Variants in MICAL3 observed in about 807,000 individuals in gnomAD.
MICAL3 encodes microtubule associated monooxygenase, calponin and LIM domain containing 3.
MICAL3 carries 62 observed loss-of-function variants against 207.4 expected under a neutral mutation model. The ratio of observed to expected loss-of-function variants is 0.30; its 90% CI spans 0.24 to 0.37. The LOEUF (loss-of-function observed/expected upper bound fraction) is 0.37. Ranked by LOEUF, MICAL3 falls within the 10% of genes least tolerant of loss-of-function variation. The probability of loss-of-function intolerance (pLI) is 1.00; values close to 1 mark genes in which losing one functional copy is unlikely to be tolerated. For missense variants in MICAL3, 2,368 were observed against 2,635.6 expected (o/e 0.90, Z 2.22); for synonymous variants, 1,077 against 1,069.3 (o/e 1.01, Z -0.14).
chr22:17,865,923 C>T lies in MICAL3; in HGVS notation c.2517+1G>A. ...CCCACTTACAGGAGAGTCACCATTA[C>T]CTTTCCAGACAGGGGAGCCACTGCC... On this transcript the variant is annotated splice_donor_variant, in intron 18 of 31. Coordinates refer to ENST00000441493, the MANE Select transcript of MICAL3 (RefSeq NM_015241.3). LOFTEE classifies it high-confidence loss of function. The T allele has an allele frequency of 6.2e-7, 1 of 1,612,094 alleles. No individual in the cohort carries two copies. Among genetic ancestry groups the T allele is most frequent in the South Asian group, 1.1e-5 (1 of 91,056 alleles).
intron 16 of MICAL3, among the ~76,000 whole-genome samples, chr22:17,878,734 G>A (rs532793899): frequency 6.6e-6 from 1 of 152,188 alleles, no homozygotes; most frequent in East Asian, 1.9e-4. Flanking sequence ...GGGCATCTCG[G>A]CTATCCCTCA....
chr22:17,822,495 C>G (rs1921757060), intron 23 of MICAL3, among the ~76,000 whole-genome samples: 1 of 152,226 alleles, frequency 6.6e-6, no homozygotes, highest in Non-Finnish European at 1.5e-5. Flanking sequence ...GGCCTGGCCT[C>G]ACGGGCCCAC....
chr22:17,861,443 C>T (rs1477556257), intron 19 of MICAL3: 22 of 985,290 alleles, frequency 2.2e-5, no homozygotes, highest in Non-Finnish European at 2.4e-5. Flanking sequence ...GATGAGCACT[C>T]GGGGAAAAAG....
chr22:17,819,092 T>C lies in MICAL3; in HGVS notation c.3569A>G (p.Glu1190Gly). The change falls in exon 26 of 32, where the codon GAG becomes GGG. Residue 1190 changes from glutamate to glycine, a missense_variant. Physicochemically the swap from Glu to Gly is moderately conservative, Grantham distance 98. Around this residue, in one of 4 missense-constraint regions of MICAL3, gnomAD observed 1,770 missense variants for 1,863.2 expected, o/e 0.95. Transcript: ENST00000441493. ...GAAAAGGCGCTCCTCAGGTGATTTC[T>C]CCTGGGTGGCGGCAGGGACAGGTGG... is the stretch of plus-strand genomic sequence containing the variant. The part of the protein sequence containing the change: ...QLPPVPAATQ[E>G]KSPEERLFPE... 1 of 1,512,216 alleles carries C rather than the reference T, an allele frequency of 6.6e-7. No homozygotes were observed. The highest frequency in any genetic ancestry group is 2.3e-5 in the East Asian group (1 of 43,286). 93.7% of individuals were successfully genotyped at this position (1,512,216 alleles called of 1,614,324 possible). A position where few individuals can be genotyped will look rare whatever the true frequency, so the allele number is the denominator to read the frequency against.
chr22:18,021,434 T>C (rs1341729759), intron 1 of MICAL3, among the ~76,000 whole-genome samples: 1 of 152,214 alleles, frequency 6.6e-6, no homozygotes, highest in Non-Finnish European at 1.5e-5. Context: ...GAGTGAAGCA[T>C]GCCCATCGCC....
At chr22:17,885,796 C>T in intron 16 of MICAL3, 82 bp downstream of exon 16, 3 of 1,399,446 alleles carry the variant, frequency 2.1e-6, no homozygotes, top group Non-Finnish European at 2.0e-6. Flanking sequence ...TGTGACACAG[C>T]CCATCTCAAT....
At chr22:17,976,583 A>ATTTTT (rs1214780677) in intron 1 of MICAL3, among the ~76,000 whole-genome samples, 22 of 87,662 alleles carry the variant, frequency 2.5e-4, no homozygotes, top group African/African-American at 2.8e-4. Context: ...ATATATATAT[A>ATTTTT]TATATATTTT....
intron 12 of MICAL3, among the ~76,000 whole-genome samples, chr22:17,890,320 T>C (rs987011808): frequency 1.3e-5 from 2 of 151,832 alleles, no homozygotes; most frequent in African/African-American, 4.8e-5. Flanking sequence ...TAGAAGACGG[T>C]CCCCTAACCT....
chr22:17,928,498 G>A (rs140705565), intron 1 of MICAL3, among the ~76,000 whole-genome samples: 1 of 152,102 alleles, frequency 6.6e-6, no homozygotes, highest in East Asian at 1.9e-4. Flanking sequence ...TCTTCATGTA[G>A]TGTATGAGAT....
intron 29 of MICAL3, among the ~76,000 whole-genome samples, chr22:17,806,030 C>G (rs1291557391): frequency 6.6e-6 from 1 of 152,118 alleles, no homozygotes; most frequent in Admixed American, 6.6e-5. Flanking sequence ...GCGCCCGGCC[C>G]AAATGTTTTA....
chr22:17,798,585 G>A (rs964690708), intron 29 of MICAL3, among the ~76,000 whole-genome samples: 7 of 151,994 alleles, frequency 4.6e-5, no homozygotes, highest in Admixed American at 6.6e-5. Context: ...TTGTTTTGGC[G>A]GTGATGCCAC....
At chr22:17,879,791 TG>T (rs1324894010) in intron 16 of MICAL3, among the ~76,000 whole-genome samples, 1 of 151,652 alleles carries the variant, frequency 6.6e-6, no homozygotes, top group Non-Finnish European at 1.5e-5. Context: ...AAAGCAAAGG[TG>T]GGGAGGTGGG....
At chr22:17,992,040 T>C (rs1441034066) in intron 1 of MICAL3, among the ~76,000 whole-genome samples, 1 of 152,148 alleles carries the variant, frequency 6.6e-6, no homozygotes, top group Admixed American at 6.5e-5. Flanking sequence ...CACCCACCGT[T>C]GCTAGAGCAC....
At chr22:17,931,937 T>C (rs1202217494) in intron 1 of MICAL3, among the ~76,000 whole-genome samples, 2 of 152,216 alleles carry the variant, frequency 1.3e-5, no homozygotes, top group Non-Finnish European at 2.9e-5. Flanking sequence ...GCAATTAAAC[T>C]TACAGTGGTG....
At chr22:17,924,135 C>T (rs761820419) in intron 1 of MICAL3, among the ~76,000 whole-genome samples, 5 of 152,210 alleles carry the variant, frequency 3.3e-5, no homozygotes, top group African/African-American at 9.6e-5. Context: ...GTCCCTCCCA[C>T]GACACGTGGG....
chr22:17,788,191 A>G lies in MICAL3; in HGVS notation c.*2541T>C, dbSNP rs899060871. On this transcript the variant is annotated 3_prime_UTR_variant, in exon 32 of 32. Coordinates refer to ENST00000441493, the MANE Select transcript of MICAL3 (RefSeq NM_015241.3). ...TGGTTACAAAATGGGAGCTTTAAAA[A>G]AAGTGCTCTACTAGAACTGGGTGTC... 2.6e-5 allele frequency: 4 copies of G among 152,278 alleles called. No homozygotes were observed. Among genetic ancestry groups the G allele is most frequent in the Admixed American group, 1.3e-4 (2 of 15,294 alleles). The allele number at this position is 152,278 out of a possible 1,614,324, so 9.4% of individuals were successfully genotyped here.
At chr22:17,849,684 GTGTA>G (rs1925066250) in intron 19 of MICAL3, among the ~76,000 whole-genome samples, 4 of 102,304 alleles carry the variant, frequency 3.9e-5, no homozygotes, top group African/African-American at 1.8e-4. Flanking sequence ...GTGTGTGTGT[GTGTA>G]TTTTTTTTTT....
At chr22:17,850,208 C>T (rs1236722553) in intron 19 of MICAL3, among the ~76,000 whole-genome samples, 1 of 151,908 alleles carries the variant, frequency 6.6e-6, no homozygotes, top group Non-Finnish European at 1.5e-5. Flanking sequence ...CAATAGGGAA[C>T]AAACCAGTTC....
chr22:17,797,526 G>A (rs948256879), intron 29 of MICAL3, among the ~76,000 whole-genome samples: 1 of 151,964 alleles, frequency 6.6e-6, no homozygotes, highest in Non-Finnish European at 1.5e-5. Context: ...AGCCCAGAGG[G>A]GCCAAGACAA....
Sources: allele counts gnomAD v4.1 joint callset (sites outside exome capture counted in the v4.1 genomes callset), GRCh38; gene constraint gnomAD v4.1.1; regional missense constraint gnomAD v4.1.1; transcripts MANE v1.5; gene names NCBI Gene and HGNC (gene_info 2026-07-23, HGNC 2026-07-21).